The following IFI27L1 variants were observed in gnomAD, a reference collection of about 807,000 sequenced individuals.
The protein encoded by IFI27L1 is interferon alpha-inducible protein 27-like protein 1.
In IFI27L1, 3 loss-of-function variants were observed where a neutral mutation model predicts 9.2. That is an observed-to-expected ratio of 0.32 (90% CI 0.15 to 0.84). The LOEUF is 0.84. IFI27L1 is among the 40% of genes least tolerant of loss of function. IFI27L1 has a pLI of 0.56. For synonymous variants in IFI27L1, 53 were observed against 50.0 expected, an observed-to-expected ratio of 1.06 and a Z score of -0.26; for missense variants, 133 against 134.2, an observed-to-expected ratio of 0.99 and a Z score of 0.05.
intron 2 of IFI27L1, chr14:94,097,826 G>A (rs1886730316): frequency 1.6e-6 from 1 of 633,042 alleles, no homozygotes; most frequent in Non-Finnish European, 2.8e-6. Context: ...AGCTTCCAGA[G>A]GGGAAATGGG....
At chr14:94,086,993 G>A (rs1328119976) in intron 1 of IFI27L1, among the ~76,000 whole-genome samples, 1 of 152,174 alleles carries the variant, frequency 6.6e-6, no homozygotes, top group East Asian at 1.9e-4. Context: ...CGGCATTGCA[G>A]TGGGAAAATT....
At chr14:94,082,014 A>C (rs1886124187) in intron 1 of IFI27L1, among the ~76,000 whole-genome samples, 1 of 152,242 alleles carries the variant, frequency 6.6e-6, no homozygotes, top group African/African-American at 2.4e-5. Context: ...AAAAGGCAAG[A>C]TAGGCTGAAA....
At chr14:94,100,996 C>T in intron 3 of IFI27L1, 1 of 612,410 alleles carries the variant, frequency 1.6e-6, no homozygotes, top group Non-Finnish European at 2.9e-6. Context: ...CTCTCAGCTT[C>T]CACCAAGTAC....
intron 1 of IFI27L1, among the ~76,000 whole-genome samples, chr14:94,081,849 T>C (rs1811371423): frequency 6.6e-6 from 1 of 152,228 alleles, no homozygotes; most frequent in Non-Finnish European, 1.5e-5. Flanking sequence ...TCCCTTTCCT[T>C]GGGTCTCTAT....
At chr14:94,087,387 ATTTG>A (rs1869702697) in intron 1 of IFI27L1, among the ~76,000 whole-genome samples, 1 of 152,122 alleles carries the variant, frequency 6.6e-6, no homozygotes, top group Non-Finnish European at 1.5e-5. Flanking sequence ...CCCTAGCTCT[ATTTG>A]TCAGAGTTTG....
chr14:94,089,953 G>A (rs1000721178), intron 1 of IFI27L1, among the ~76,000 whole-genome samples: 3 of 152,210 alleles, frequency 2.0e-5, no homozygotes, highest in African/African-American at 4.8e-5. Context: ...ATATCTGGAA[G>A]ATTAGTAAGT....
intron 2 of IFI27L1, chr14:94,097,593 G>A: frequency 1.4e-6 from 1 of 701,782 alleles, no homozygotes; most frequent in South Asian, 1.5e-5. Context: ...AGCTCCTCCA[G>A]TCATCCCACT....
chr14:94,086,847 C>T (rs1029308597), intron 1 of IFI27L1, among the ~76,000 whole-genome samples: 1 of 152,190 alleles, frequency 6.6e-6, no homozygotes, highest in African/African-American at 2.4e-5. Flanking sequence ...CTTCTATCAT[C>T]AGTAGCTACA....
chr14:94,086,033 T>A (rs942592334), intron 1 of IFI27L1, among the ~76,000 whole-genome samples: 3 of 152,336 alleles, frequency 2.0e-5, no homozygotes, highest in South Asian at 2.1e-4. Context: ...CATAGTTGAA[T>A]TGTAATCCCC....
chr14:94,088,433 A>G, intron 1 of IFI27L1: 1 of 685,058 alleles, frequency 1.5e-6, no homozygotes, highest in Non-Finnish European at 2.7e-6. Flanking sequence ...GGGTGGAGCC[A>G]CATTCTGGGG....
chr14:94,092,194 T>C (rs1436185575), intron 1 of IFI27L1, among the ~76,000 whole-genome samples: 7 of 151,014 alleles, frequency 4.6e-5, no homozygotes. Context: ...TTTGCGTTAG[T>C]GTACTATTGA....
At chr14:94,093,790 A>G (rs1467997086) in intron 1 of IFI27L1, among the ~76,000 whole-genome samples, 1 of 152,084 alleles carries the variant, frequency 6.6e-6, no homozygotes, top group Non-Finnish European at 1.5e-5. Context: ...CTTTTCCCCT[A>G]CTGGAACAAA....
rs1222597085 is a variant in IFI27L1, at chr14:94,101,954, G to T, written c.202G>T (p.Val68Leu). ...NGGGVAAGSLVAILQSVGAAG... is the reference protein window; with the variant it reads ...NGGGVAAGSLLAILQSVGAAG... ...GGGCGGAGTTGCTGCTGGCAGTCTG[G>T]TGGCTATTCTGCAGTCAGTGGGTGA... The change falls in exon 4 of 5, where the codon GTG (valine) becomes TTG (leucine). Residue 68 changes from valine to leucine, a missense_variant. Physicochemically the swap from Val to Leu is conservative, Grantham distance 32. Transcript: ENST00000555523. The T allele has an allele frequency of 3.1e-6, 5 of 1,614,246 alleles. No individual in the cohort carries two copies. In the East Asian group the frequency reaches 6.7e-5, roughly 22 times the overall value.
At chr14:94,095,746 C>T (rs1319167955) in intron 1 of IFI27L1, among the ~76,000 whole-genome samples, 1 of 152,152 alleles carries the variant, frequency 6.6e-6, no homozygotes, top group Admixed American at 6.5e-5. Context: ...GGCACCAAGC[C>T]ACCATGAGGG....
rs763367057 is a variant in IFI27L1 at position 94,102,601 on chromosome 14, G to C, written c.*33G>C. 7.6e-7 allele frequency: 1 copy of C among 1,321,998 alleles called. No individual in the cohort carries two copies. The highest frequency in any genetic ancestry group is 1.5e-5 in the South Asian group (1 of 65,152). The allele number at this position is 1,321,998 out of a possible 1,614,324, so 81.9% of individuals were successfully genotyped here. ...ACTGAGGCAGGGAGTTGGCTCTCTT[G>C]GTGGAGATGACTTTCCTGGGCCTCT... On this transcript the variant is annotated 3_prime_UTR_variant, in exon 5 of 5. Transcript: ENST00000555523.
chr14:94,099,249 A>C (rs921165166), intron 2 of IFI27L1, among the ~76,000 whole-genome samples: 2 of 152,182 alleles, frequency 1.3e-5, no homozygotes, highest in African/African-American at 2.4e-5. Context: ...ACTGCTCATC[A>C]CAGAAGTGGG....
intron 1 of IFI27L1, chr14:94,088,440 G>T: frequency 1.5e-6 from 1 of 682,180 alleles, no homozygotes; most frequent in Admixed American, 2.1e-5. Flanking sequence ...GCCACATTCT[G>T]GGGTTGGGGC....
intron 1 of IFI27L1, among the ~76,000 whole-genome samples, chr14:94,084,824 G>A (rs1014374524): frequency 3.3e-5 from 5 of 152,160 alleles, no homozygotes; most frequent in Non-Finnish European, 5.9e-5. Context: ...ACTAGCCTCA[G>A]AAAGAAAAAC....
chr14:94,081,840 C>A (rs1181732903), intron 1 of IFI27L1, among the ~76,000 whole-genome samples: 3 of 152,202 alleles, frequency 2.0e-5, no homozygotes, highest in African/African-American at 7.2e-5. Context: ...CCTTCTCTCT[C>A]CCTTTCCTTG....
Sources: allele counts gnomAD v4.1 joint callset (sites outside exome capture counted in the v4.1 genomes callset), GRCh38; gene constraint gnomAD v4.1.1; transcripts MANE v1.5; gene names NCBI Gene and HGNC (gene_info 2026-07-23, HGNC 2026-07-21).